The following SLC24A4 variants were observed in gnomAD, a reference collection of about 807,000 sequenced individuals.
SLC24A4 encodes the protein solute carrier family 24 member 4.
In SLC24A4, 53 loss-of-function variants were observed where a neutral mutation model predicts 79.0. The observed-to-expected ratio is 0.67, with a 90% CI of 0.54 to 0.84. SLC24A4 has a LOEUF of 0.84. SLC24A4 is among the 40% of genes least tolerant of loss of function. The probability of loss-of-function intolerance (pLI) is 0.00; values close to 1 mark genes in which losing one functional copy is unlikely to be tolerated. For missense variants in SLC24A4, 731 were observed against 822.0 expected (o/e 0.89, Z 1.35); for synonymous variants, 323 against 323.8 (o/e 1.00, Z 0.03).
intron 2 of SLC24A4, among the ~76,000 whole-genome samples, chr14:92,332,103 AC>A (rs942473333): frequency 1.3e-5 from 2 of 151,264 alleles, no homozygotes; most frequent in African/African-American, 2.4e-5. Context: ...ACATGCTGAA[AC>A]CCCCCTCTCT....
rs918102318 is a variant in SLC24A4 at position 92,441,638 on chromosome 14, G to T, written c.394-451G>T. On this transcript the variant is annotated intron_variant, in intron 4 of 16. Transcript: ENST00000532405. The surrounding 1 kb of genome is among the most constrained non-coding windows in gnomAD (Gnocchi z 4.6). ...CACTCTGTGCCAGACCCTGTTCTAG[G>T]CACCAGGGATGCAAAGTTGGGAAAG... 3.9e-5 allele frequency among the ~76,000 whole-genome samples: 6 copies of T among 152,216 alleles called. No individual in the cohort carries two copies. Among genetic ancestry groups the T allele is most frequent in the Admixed American group, 3.9e-4 (6 of 15,290 alleles).
At chr14:92,485,980 AG>A (rs1326747523) in intron 13 of SLC24A4, among the ~76,000 whole-genome samples, 1 of 152,206 alleles carries the variant, frequency 6.6e-6, no homozygotes, top group Non-Finnish European at 1.5e-5. Context: ...TAAAGAAGGC[AG>A]TGTCCACGTT....
At chr14:92,481,780 T>A (rs957325440) in intron 12 of SLC24A4, among the ~76,000 whole-genome samples, 8 of 152,212 alleles carry the variant, frequency 5.3e-5, no homozygotes, top group Admixed American at 6.5e-5. Flanking sequence ...ATTCTGACAA[T>A]TTTTTGCTGT....
chr14:92,480,200 C>A (rs960566363), intron 12 of SLC24A4, among the ~76,000 whole-genome samples: 13 of 150,060 alleles, frequency 8.7e-5, no homozygotes, highest in African/African-American at 2.9e-4. Context: ...TCTTTTCCTT[C>A]CTTCTGCTTT....
chr14:92,361,487 G>A (rs1234856710), intron 2 of SLC24A4, among the ~76,000 whole-genome samples: 1 of 148,778 alleles, frequency 6.7e-6, no homozygotes, highest in Non-Finnish European at 1.5e-5. Context: ...AGCAACTGAA[G>A]TTTGAAATGG....
intron 2 of SLC24A4, 37 bp downstream of exon 2, chr14:92,326,015 A>G: frequency 4.1e-6 from 6 of 1,473,188 alleles, no homozygotes; most frequent in South Asian, 1.2e-5. Flanking sequence ...GTCTACTAAG[A>G]TGTTTGGCCT....
intron 2 of SLC24A4, among the ~76,000 whole-genome samples, chr14:92,341,877 G>A (rs1886164158): frequency 1.3e-5 from 2 of 152,180 alleles, no homozygotes; most frequent in Non-Finnish European, 1.5e-5. Flanking sequence ...CTCAGAGGTG[G>A]CAAGCCCTTG....
At chr14:92,451,134 G>T (rs1199552958) in intron 10 of SLC24A4, 1 of 152,280 alleles carries the variant, frequency 6.6e-6, no homozygotes, top group South Asian at 2.1e-4. Context: ...TTTTATCAGA[G>T]GGAATGCATT....
rs562729725 is a variant in SLC24A4, at chr14:92,456,505, C to T, written c.1152C>T (p.Pro384=). ...IENGNVPVEN[P]EDPQQNQEQQ... ...ACGGGAATGTTCCTGTGGAAAACCC[C>T]GAAGACCCTCAGCAGAATCAGGAGC... Residue 384 remains proline, a synonymous_variant, in exon 12 of 17, where the codon CCC becomes CCT. Coordinates refer to ENST00000532405, the MANE Select transcript of SLC24A4 (RefSeq NM_153646.4). 2.0e-5 allele frequency: 32 copies of T among 1,614,140 alleles called. No homozygotes were observed. The highest frequency in any genetic ancestry group is 1.7e-4 in the Middle Eastern group (1 of 6,060).
intron 12 of SLC24A4, among the ~76,000 whole-genome samples, chr14:92,477,784 C>CTT (rs34635349): frequency 2.4e-5 from 3 of 124,822 alleles, no homozygotes; most frequent in African/African-American, 8.8e-5. Context: ...TTTCTTTTCT[C>CTT]TTTTTTTTTT....
intron 2 of SLC24A4, among the ~76,000 whole-genome samples, chr14:92,359,250 A>G (rs1324988131): frequency 6.6e-6 from 1 of 152,030 alleles, no homozygotes; most frequent in Non-Finnish European, 1.5e-5. Flanking sequence ...TCCACTCTTA[A>G]CACAGCCAGG....
At chr14:92,470,190 C>A (rs929230156) in intron 12 of SLC24A4, among the ~76,000 whole-genome samples, 1 of 152,194 alleles carries the variant, frequency 6.6e-6, no homozygotes, top group Non-Finnish European at 1.5e-5. Flanking sequence ...CAACTCCCTT[C>A]TCCTCTAGTC....
intron 2 of SLC24A4, among the ~76,000 whole-genome samples, chr14:92,330,787 A>G (rs1372237415): frequency 6.6e-6 from 1 of 152,148 alleles, no homozygotes; most frequent in Non-Finnish European, 1.5e-5. Context: ...GGCTCATTCC[A>G]TCATGGGGGC....
At chr14:92,326,915 A>C (rs941021247) in intron 2 of SLC24A4, among the ~76,000 whole-genome samples, 2 of 152,134 alleles carry the variant, frequency 1.3e-5, no homozygotes, top group African/African-American at 4.8e-5. Context: ...GAAACTGGGA[A>C]GGCTGTGTTG....
intron 14 of SLC24A4, among the ~76,000 whole-genome samples, chr14:92,487,711 TAAC>T (rs1449014159): frequency 2.0e-5 from 3 of 152,120 alleles, no homozygotes; most frequent in African/African-American, 7.2e-5. Context: ...AGGGGAGTCA[TAAC>T]AAAGTGCCAC....
intron 2 of SLC24A4, among the ~76,000 whole-genome samples, chr14:92,429,598 G>A (rs775349408): frequency 3.9e-5 from 6 of 152,206 alleles, no homozygotes; most frequent in Non-Finnish European, 8.8e-5. Flanking sequence ...GTTTCAGAGC[G>A]TGGCCTCTTG....
At chr14:92,436,523 G>C (rs537720551) in intron 3 of SLC24A4, among the ~76,000 whole-genome samples, 1 of 152,344 alleles carries the variant, frequency 6.6e-6, no homozygotes, top group South Asian at 2.1e-4. Flanking sequence ...AATAGTTGTG[G>C]AAGTGACTAT....
Position 92,363,548 on chromosome 14 carries a change from G to A in SLC24A4, c.241+37570G>A, listed in dbSNP as rs768448117. Among the ~76,000 whole-genome samples, 6 of 152,152 alleles carry A rather than the reference G, an allele frequency of 3.9e-5. No homozygotes were observed. In the South Asian group the frequency reaches 6.2e-4, roughly 16 times the overall value. On this transcript the variant is annotated intron_variant, in intron 2 of 16. Coordinates refer to ENST00000532405, the MANE Select transcript of SLC24A4 (RefSeq NM_153646.4). ...CCTTCTGAAAGGTCTTGCTTTCCACGTCCCTCCTTTTACAGGCTCACGCCT... is the reference window on the plus strand; with the variant it reads ...CCTTCTGAAAGGTCTTGCTTTCCACATCCCTCCTTTTACAGGCTCACGCCT...
Position 92,398,561 on chromosome 14 carries a change from C to T in SLC24A4, c.242-35351C>T, listed in dbSNP as rs190406485. On this transcript the variant is annotated intron_variant, in intron 2 of 16. Coordinates refer to ENST00000532405, the MANE Select transcript of SLC24A4 (RefSeq NM_153646.4). This position sits in a 1 kb window ranked among gnomAD's most constrained non-coding sequence, Gnocchi z 4.1. The stretch of plus-strand genomic sequence containing the variant: ...AAGTTTTCTGTGCCCTAAGAAAAAG[C>T]CTGTTAGCCTCAGCCCCTTGCTCCC... Among the ~76,000 whole-genome samples the T allele has an allele frequency of 7.2e-5, 11 of 152,316 alleles. No individual in the cohort carries two copies. The highest frequency in any genetic ancestry group is 1.5e-4 in the Non-Finnish European group (10 of 68,036).
Sources: allele counts gnomAD v4.1 joint callset (sites outside exome capture counted in the v4.1 genomes callset), GRCh38; gene constraint gnomAD v4.1.1; non-coding constraint Gnocchi (gnomAD v3.1); transcripts MANE v1.5; gene names NCBI Gene and HGNC (gene_info 2026-07-23, HGNC 2026-07-21).